Variants in KCNIP1 observed in about 807,000 individuals in gnomAD.
The protein encoded by KCNIP1 is A-type potassium channel modulatory protein KCNIP1.
A neutral mutation model predicts 33.0 loss-of-function variants in KCNIP1; 18 were observed. That is an observed-to-expected ratio of 0.55 (90% CI 0.38 to 0.81). The LOEUF is 0.81. Ranked by LOEUF, KCNIP1 falls within the 30% of genes least tolerant of loss-of-function variation. The probability of loss-of-function intolerance (pLI) is 0.00; values close to 1 mark genes in which losing one functional copy is unlikely to be tolerated. For synonymous variants in KCNIP1, 93 were observed against 98.3 expected (o/e 0.95, Z 0.32); for missense variants, 238 against 271.6 (o/e 0.88, Z 0.87).
chr5:170,628,435 A>C (rs1158325305), intron 1 of KCNIP1, among the ~76,000 whole-genome samples: 1 of 152,128 alleles, frequency 6.6e-6, no homozygotes, highest in Non-Finnish European at 1.5e-5. Flanking sequence ...ATCACATAAC[A>C]ATAAGTGTTA....
At chr5:170,575,233 T>C (rs574568640) in intron 1 of KCNIP1, among the ~76,000 whole-genome samples, 1 of 152,356 alleles carries the variant, frequency 6.6e-6, no homozygotes, top group Non-Finnish European at 1.5e-5. Context: ...GTTTTATAGC[T>C]GAATAAGAGC....
chr5:170,522,496 A>G lies in KCNIP1; in HGVS notation c.61+17863A>G, dbSNP rs189517054. Reference sequence around the variant, plus strand: ...TCATTGTGGTTTATATGTTGGTCACATGATCTGAGCTAATGGGAGTATTCG... The same window carrying G: ...TCATTGTGGTTTATATGTTGGTCACGTGATCTGAGCTAATGGGAGTATTCG... On this transcript the variant is annotated intron_variant, in intron 1 of 7. Coordinates refer to ENST00000328939, the MANE Select transcript of KCNIP1 (RefSeq NM_014592.4). 8.5e-5 allele frequency among the ~76,000 whole-genome samples: 13 copies of G among 152,358 alleles called. No homozygotes were observed. In the South Asian group the frequency reaches 1.4e-3, roughly 17 times the overall value.
rs1218469544 is a variant in KCNIP1, at chr5:170,611,471, A to C, written c.61+106838A>C. 4.6e-5 allele frequency among the ~76,000 whole-genome samples: 7 copies of C among 152,212 alleles called. 1 individual carries two copies. The highest frequency in any genetic ancestry group is 8.8e-5 in the Non-Finnish European group (6 of 68,032). On this transcript the variant is annotated intron_variant, in intron 1 of 7. Coordinates refer to ENST00000328939, the MANE Select transcript of KCNIP1 (RefSeq NM_014592.4). ...GGGGTATGGCAGAGAGCTTAGGGTT[A>C]ATTGATTAGAGCAGGAAAAGGTCAG...
At chr5:170,651,443 C>G (rs1761039752) in intron 1 of KCNIP1, among the ~76,000 whole-genome samples, 1 of 152,172 alleles carries the variant, frequency 6.6e-6, no homozygotes, top group South Asian at 2.1e-4. Context: ...ATTAACCCAG[C>G]AGGAATGCTT....
chr5:170,618,651 T>C (rs1461834151), intron 1 of KCNIP1, among the ~76,000 whole-genome samples: 1 of 151,900 alleles, frequency 6.6e-6, no homozygotes, highest in East Asian at 1.9e-4. Flanking sequence ...CCAAAGTGAA[T>C]CCTAGTAATG....
chr5:170,707,752 A>T (rs1486963305), intron 1 of KCNIP1, among the ~76,000 whole-genome samples: 1 of 152,178 alleles, frequency 6.6e-6, no homozygotes, highest in East Asian at 1.9e-4. Flanking sequence ...TTTGATCTTG[A>T]AAACTCCATC....
chr5:170,541,668 A>C (rs1342425897), intron 1 of KCNIP1, among the ~76,000 whole-genome samples: 1 of 145,078 alleles, frequency 6.9e-6, no homozygotes, highest in East Asian at 2.3e-4. Context: ...CCACCTTCTG[A>C]CCTAGTTTGG....
At chr5:170,657,901 A>C (rs1242084736) in intron 1 of KCNIP1, among the ~76,000 whole-genome samples, 1 of 152,168 alleles carries the variant, frequency 6.6e-6, no homozygotes, top group Non-Finnish European at 1.5e-5. Flanking sequence ...TATAATACCC[A>C]GGCTATGGCC....
At position 170,510,830 on chromosome 5, in the gene KCNIP1, C is replaced by T. The variant is rs139672318; in HGVS notation, c.61+6197C>T. On this transcript the variant is annotated intron_variant, in intron 1 of 7. Transcript: ENST00000328939. ...AGGATTGCATTATGGCTATGAGCAC[C>T]GCGTTAAAATAAGAGTCTTGGGATT... Among the ~76,000 whole-genome samples the T allele has an allele frequency of 1.4e-4, 22 of 152,204 alleles. 1 individual carries two copies. The highest frequency in any genetic ancestry group is 4.6e-4 in the African/African-American group (19 of 41,512).
At chr5:170,475,792 A>G (rs1185938575) in intron 1 of KCNIP1, among the ~76,000 whole-genome samples, 2 of 151,624 alleles carry the variant, frequency 1.3e-5, no homozygotes, top group African/African-American at 4.9e-5. Flanking sequence ...AACAGACCCA[A>G]TTTTGTTCAG....
At chr5:170,564,387 G>T (rs76585758) in intron 1 of KCNIP1, among the ~76,000 whole-genome samples, 2,323 of 152,294 alleles carry the variant, frequency 0.015, 73 homozygotes, top group African/African-American at 0.052. Context: ...TATTTGCACA[G>T]CACAGCATCT....
At chr5:170,581,583 G>T (rs552343219) in intron 1 of KCNIP1, among the ~76,000 whole-genome samples, 150 of 152,334 alleles carry the variant, frequency 9.8e-4, no homozygotes, top group African/African-American at 3.1e-3. Flanking sequence ...TGTACCAAGG[G>T]TTTGGCAGCC....
chr5:170,556,116 G>A (rs968828507), intron 1 of KCNIP1, among the ~76,000 whole-genome samples: 3 of 152,176 alleles, frequency 2.0e-5, no homozygotes, highest in East Asian at 1.9e-4. Flanking sequence ...AACCACGTCC[G>A]TACATTTCAT....
intron 1 of KCNIP1, among the ~76,000 whole-genome samples, chr5:170,465,204 A>AT (rs1756583594): frequency 6.6e-6 from 1 of 152,138 alleles, no homozygotes; most frequent in Non-Finnish European, 1.5e-5. Flanking sequence ...AGATGATAAA[A>AT]TTTTTCTGTA....
chr5:170,520,435 G>T (rs961412592), intron 1 of KCNIP1, among the ~76,000 whole-genome samples: 1 of 152,142 alleles, frequency 6.6e-6, no homozygotes, highest in Non-Finnish European at 1.5e-5. Context: ...CTTCAGTTGC[G>T]CAGCCAACTT....
chr5:170,722,768 G>A lies in KCNIP1; in HGVS notation c.383G>A (p.Arg128Lys), dbSNP rs1763871427. 2 of 1,613,866 alleles carry A rather than the reference G, an allele frequency of 1.2e-6. No individual in the cohort carries two copies. The highest frequency in any genetic ancestry group is 1.7e-5 in the Admixed American group (1 of 59,982). Residue 128 changes from arginine (R) to lysine (K), a missense_variant, in exon 5 of 8, where the codon AGG becomes AAG. By Grantham distance (26) the Arg-to-Lys change is conservative. Transcript: ENST00000328939. ...LLRGTVHEKL[R>K]WTFNLYDINK... is the part of the protein sequence containing the mutation. Reference sequence around the variant, plus strand: ...AGAGGAACTGTCCACGAGAAACTAAGGTGGACATTTAATTTGTATGACATC... The same window carrying A: ...AGAGGAACTGTCCACGAGAAACTAAAGTGGACATTTAATTTGTATGACATC...
intron 1 of KCNIP1, among the ~76,000 whole-genome samples, chr5:170,651,601 C>G (rs988518033): frequency 1.3e-5 from 2 of 152,176 alleles, no homozygotes; most frequent in Non-Finnish European, 2.9e-5. Context: ...CGCCACCCCC[C>G]CAGCTGATTG....
In KCNIP1 at chr5:170,721,842, C is replaced by A; in HGVS notation, c.266C>A (p.Thr89Lys). ...AQFFPHGDAS[T>K]YAHYLFNAFD... ...CTTTTCTGCCTTGTAGATGCCAGCA[C>A]GTATGCCCATTACCTCTTCAATGCC... The change falls in exon 4 of 8, where the codon ACG becomes AAG. Residue 89 changes from threonine (T) to lysine (K), a missense_variant. Thr to Lys is a moderately conservative substitution (Grantham distance 78). Transcript: ENST00000328939. 1 of 1,614,166 alleles carries A rather than the reference C, an allele frequency of 6.2e-7. No individual in the cohort carries two copies.
chr5:170,506,482 A>G (rs898505032), intron 1 of KCNIP1, among the ~76,000 whole-genome samples: 1 of 152,126 alleles, frequency 6.6e-6, no homozygotes, highest in African/African-American at 2.4e-5. Flanking sequence ...AGGGCTGGGA[A>G]AAGAGTAAGA....
Sources: gnomAD v4.1 joint callset for allele counts (sites outside exome capture counted in the v4.1 genomes callset) on GRCh38, gnomAD v4.1.1 for gene constraint, MANE v1.5 for transcripts, NCBI Gene and HGNC (gene_info 2026-07-23, HGNC 2026-07-21) for gene names.